Variants in OPCML observed in about 807,000 individuals in gnomAD.
The protein encoded by OPCML is opioid binding protein/cell adhesion molecule like.
Under a neutral mutation model 37.8 loss-of-function variants are expected in OPCML, and 13 were observed. The observed-to-expected ratio is 0.34, with a 90% CI of 0.22 to 0.55. The LOEUF is 0.55. OPCML is among the 20% of genes least tolerant of loss of function. OPCML has a pLI of 0.91. For missense variants in OPCML, 341 were observed against 435.6 expected (o/e 0.78, Z 1.93); for synonymous variants, 176 against 168.8 (o/e 1.04, Z -0.33).
chr11:133,221,108 T>G (rs1415191364), intron 1 of OPCML, among the ~76,000 whole-genome samples: 3 of 152,248 alleles, frequency 2.0e-5, no homozygotes, highest in Non-Finnish European at 4.4e-5. Context: ...TCTCTCTTTA[T>G]ATGACACAGC....
chr11:133,026,586 C>A, intron 1 of OPCML: 1 of 985,130 alleles, frequency 1.0e-6, no homozygotes, highest in Non-Finnish European at 1.2e-6. Context: ...AACTGTGATT[C>A]TTTCTAGCTA....
chr11:132,814,388 G>A (rs1214182812), intron 2 of OPCML, among the ~76,000 whole-genome samples: 5 of 152,182 alleles, frequency 3.3e-5, no homozygotes, highest in Non-Finnish European at 7.3e-5. Flanking sequence ...GTATAATTCA[G>A]TCCAGTGCAA....
At chr11:133,014,473 G>C (rs1947281141) in intron 1 of OPCML, among the ~76,000 whole-genome samples, 1 of 152,108 alleles carries the variant, frequency 6.6e-6, no homozygotes, top group Non-Finnish European at 1.5e-5. Context: ...TCCACTACAG[G>C]CTCCTTCCCC....
At chr11:132,687,684 A>G (rs1019701801) in intron 2 of OPCML, among the ~76,000 whole-genome samples, 2 of 151,846 alleles carry the variant, frequency 1.3e-5, no homozygotes, top group African/African-American at 4.8e-5. Flanking sequence ...AGCATTTTCC[A>G]TCTGAAAGCA....
chr11:133,419,000 C>G (rs1945826084), intron 1 of OPCML, among the ~76,000 whole-genome samples: 1 of 152,170 alleles, frequency 6.6e-6, no homozygotes, highest in South Asian at 2.1e-4. Flanking sequence ...CCATTTTCCA[C>G]ACACCTATGA....
intron 1 of OPCML, among the ~76,000 whole-genome samples, chr11:133,524,257 C>T (rs929014669): frequency 2.0e-5 from 3 of 152,190 alleles, no homozygotes; most frequent in Middle Eastern, 3.2e-3. Flanking sequence ...GGCCAGACTG[C>T]GATAAGTGAG....
At chr11:133,345,753 T>C (rs780067060) in intron 1 of OPCML, among the ~76,000 whole-genome samples, 49 of 152,214 alleles carry the variant, frequency 3.2e-4, no homozygotes, top group Non-Finnish European at 6.3e-4. Context: ...TTCTGGTTCT[T>C]CTAGTGGTAT....
intron 1 of OPCML, among the ~76,000 whole-genome samples, chr11:133,207,119 T>TAAAAAA (rs71038525): frequency 1.0e-5 from 1 of 99,686 alleles, no homozygotes; most frequent in African/African-American, 4.0e-5. Flanking sequence ...AACCCTCTAC[T>TAAAAAA]AAAAAAAAAA....
intron 3 of OPCML, among the ~76,000 whole-genome samples, chr11:132,532,957 T>G (rs1295532033): frequency 6.6e-6 from 1 of 152,206 alleles, no homozygotes; most frequent in Non-Finnish European, 1.5e-5. Flanking sequence ...AGCTTTTAAG[T>G]GCTTCTCCGT....
intron 2 of OPCML, among the ~76,000 whole-genome samples, chr11:132,690,573 T>C (rs2135887215): frequency 1.3e-5 from 2 of 152,290 alleles, no homozygotes; most frequent in Middle Eastern, 6.8e-3. Flanking sequence ...GGAAGAGAAA[T>C]GGAATGGTTA....
intron 2 of OPCML, among the ~76,000 whole-genome samples, chr11:132,837,090 G>A (rs899727000): frequency 3.3e-5 from 5 of 151,808 alleles, no homozygotes; most frequent in Admixed American, 2.0e-4. Flanking sequence ...CAAGTCGGGT[G>A]GATCACCTGA....
intron 1 of OPCML, among the ~76,000 whole-genome samples, chr11:133,052,728 C>A (rs1591954051): frequency 6.6e-6 from 1 of 152,130 alleles, no homozygotes; most frequent in African/African-American, 2.4e-5. Context: ...GCAATGAGAG[C>A]CACCCAGCCA....
intron 4 of OPCML, among the ~76,000 whole-genome samples, chr11:132,513,721 A>T (rs551056121): frequency 6.6e-6 from 1 of 152,134 alleles, no homozygotes; most frequent in East Asian, 1.9e-4. Flanking sequence ...ATTAGCAGTC[A>T]CCTCTTCCAG....
chr11:133,007,222 GC>G, intron 1 of OPCML: 1 of 985,366 alleles, frequency 1.0e-6, no homozygotes. Context: ...AGGCTTTGTT[GC>G]CCCACCCTCC....
intron 1 of OPCML, among the ~76,000 whole-genome samples, chr11:133,354,900 A>G (rs1944248746): frequency 6.6e-6 from 1 of 152,188 alleles, no homozygotes; most frequent in Non-Finnish European, 1.5e-5. Flanking sequence ...TTCTCCTCAA[A>G]TAAGTTGTAA....
chr11:133,329,300 C>G (rs953985466), intron 1 of OPCML, among the ~76,000 whole-genome samples: 1 of 152,154 alleles, frequency 6.6e-6, no homozygotes, highest in Non-Finnish European at 1.5e-5. Flanking sequence ...ATCAAGCTAC[C>G]AATGACTATC....
intron 1 of OPCML, among the ~76,000 whole-genome samples, chr11:133,358,360 T>A (rs963307462): frequency 6.6e-6 from 1 of 152,188 alleles, no homozygotes; most frequent in African/African-American, 2.4e-5. Context: ...CTTGATAACA[T>A]AAATCTAACA....
intron 1 of OPCML, among the ~76,000 whole-genome samples, chr11:132,974,017 T>C (rs1946403948): frequency 6.6e-6 from 1 of 152,140 alleles, no homozygotes; most frequent in Non-Finnish European, 1.5e-5. Flanking sequence ...ACGTGGGTCT[T>C]CTTTCCCTCC....
intron 3 of OPCML, among the ~76,000 whole-genome samples, chr11:132,592,068 G>C (rs915495554): frequency 1.3e-5 from 2 of 152,196 alleles, no homozygotes; most frequent in African/African-American, 4.8e-5. Context: ...TACAGAAAAT[G>C]TGTGTGATAT....
Sources: gnomAD v4.1 joint callset for allele counts (sites outside exome capture counted in the v4.1 genomes callset) on GRCh38, gnomAD v4.1.1 for gene constraint, MANE v1.5 for transcripts, NCBI Gene and HGNC (gene_info 2026-07-23, HGNC 2026-07-21) for gene names.